Variants in ZNF431 observed in about 807,000 individuals in gnomAD.
ZNF431 encodes zinc finger protein 431.
In ZNF431, 34 loss-of-function variants were observed where a neutral mutation model predicts 57.0. That is an observed-to-expected ratio of 0.60 (90% CI 0.45 to 0.79). The LOEUF is 0.79. ZNF431 is among the 30% of genes least tolerant of loss of function. The pLI is 0.00. For missense variants in ZNF431, 607 were observed against 667.1 expected, an observed-to-expected ratio of 0.91 and a Z score of 0.99; for synonymous variants, 207 against 220.3, an observed-to-expected ratio of 0.94 and a Z score of 0.54.
rs1424774775 is a variant in ZNF431, at chr19:21,194,354, G to A, written c.*10320G>A. Reference sequence around the variant, plus strand: ...GAAAACATTACTGAAAGTAATCAGAGACAATTCAAATAAAAAAGCTTTCTA... The same window carrying A: ...GAAAACATTACTGAAAGTAATCAGAAACAATTCAAATAAAAAAGCTTTCTA... On this transcript the variant is annotated 3_prime_UTR_variant, in exon 5 of 5. Coordinates refer to ENST00000311048, the MANE Select transcript of ZNF431 (RefSeq NM_133473.4). 2 of 152,002 alleles carry A rather than the reference G, an allele frequency of 1.3e-5. No individual in the cohort carries two copies. The highest frequency in any genetic ancestry group is 1.5e-5 in the Non-Finnish European group (1 of 68,000). 9.4% of individuals were successfully genotyped at this position (152,002 alleles called of 1,614,324 possible).
intron 2 of ZNF431, among the ~76,000 whole-genome samples, chr19:21,152,141 G>A (rs1405199718): frequency 1.3e-5 from 2 of 152,218 alleles, no homozygotes; most frequent in Non-Finnish European, 2.9e-5. Context: ...CTTGGCCCCA[G>A]TTGGGCCCTG....
intron 4 of ZNF431, among the ~76,000 whole-genome samples, chr19:21,176,653 A>G (rs1209658366): frequency 6.6e-6 from 1 of 152,046 alleles, no homozygotes; most frequent in Non-Finnish European, 1.5e-5. Flanking sequence ...ATGTTCTCCC[A>G]TTCTGTAGAT....
chr19:21,184,096 G>T lies in ZNF431; in HGVS notation c.*62G>T. On this transcript the variant is annotated 3_prime_UTR_variant, in exon 5 of 5. Transcript: ENST00000311048. The stretch of plus-strand genomic sequence containing the variant: ...CGGGTGCGGTGGCTTATGCAAAATG[G>T]CTCCCAGCATTTTGGGAGGCTGAGG... 7.0e-7 allele frequency: 1 copy of T among 1,433,294 alleles called. No homozygotes were observed. The highest frequency in any genetic ancestry group is 1.5e-5 in the South Asian group (1 of 67,412). The allele number at this position is 1,433,294 out of a possible 1,614,324, so 88.8% of individuals were successfully genotyped here. A position where few individuals can be genotyped will look rare whatever the true frequency, so the allele number is the denominator to read the frequency against.
chr19:21,173,009 A>T (rs1286608178), intron 4 of ZNF431, among the ~76,000 whole-genome samples: 1 of 152,190 alleles, frequency 6.6e-6, no homozygotes, highest in Non-Finnish European at 1.5e-5. Context: ...GTAGAATTAT[A>T]TAGTATTCAT....
In ZNF431 at chr19:21,189,824, T is replaced by A. The variant is rs1971468133; in HGVS notation, c.*5790T>A. 2.5e-6 allele frequency: 1 copy of A among 397,380 alleles called. No individual in the cohort carries two copies. Among genetic ancestry groups the A allele is most frequent in the South Asian group, 1.4e-4 (1 of 7,268 alleles). 24.6% of individuals were successfully genotyped at this position (397,380 alleles called of 1,614,324 possible). On this transcript the variant is annotated 3_prime_UTR_variant, in exon 5 of 5. Transcript: ENST00000311048. ...ACTAATACAATGTCCTCCAACTTCATCCATGTGATTGAGAATAATAGTTTT... is the reference window on the plus strand; with the variant it reads ...ACTAATACAATGTCCTCCAACTTCAACCATGTGATTGAGAATAATAGTTTT...
chr19:21,191,327 TC>T lies in ZNF431; in HGVS notation c.*7294del, dbSNP rs1326196505. 3 of 152,090 alleles carry T rather than the reference TC, an allele frequency of 2.0e-5. No homozygotes were observed. The highest frequency in any genetic ancestry group is 7.2e-5 in the African/African-American group (3 of 41,460). The allele number at this position is 152,090 out of a possible 1,614,324, so 9.4% of individuals were successfully genotyped here. A position where few individuals can be genotyped will look rare whatever the true frequency, so the allele number is the denominator to read the frequency against. ...TATTAGCCGGGCGTGGTTGCACGTG[TC>T]TATAATCTCAGCTACTCAGGAGGCT... is the stretch of plus-strand genomic sequence containing the variant. On this transcript the variant is annotated 3_prime_UTR_variant, in exon 5 of 5. Transcript: ENST00000311048.
chr19:21,143,895 CAAAAAA>C (rs1970009938), intron 2 of ZNF431, among the ~76,000 whole-genome samples: 1 of 151,492 alleles, frequency 6.6e-6, no homozygotes, highest in South Asian at 2.1e-4. Flanking sequence ...AAAACAAAAA[CAAAAAA>C]ACCTGACTCT....
chr19:21,161,328 T>A (rs1405553884), intron 2 of ZNF431, among the ~76,000 whole-genome samples: 1 of 152,184 alleles, frequency 6.6e-6, no homozygotes, highest in Non-Finnish European at 1.5e-5. Context: ...TGGGCCACTT[T>A]TTTTGTATTG....
chr19:21,142,055 C>A lies in ZNF431; in HGVS notation c.-129C>A. 1 of 1,265,556 alleles carries A rather than the reference C, an allele frequency of 7.9e-7. No homozygotes were observed. The highest frequency in any genetic ancestry group is 1.1e-6 in the Non-Finnish European group (1 of 884,428). The allele number at this position is 1,265,556 out of a possible 1,614,324, so 78.4% of individuals were successfully genotyped here. A position where few individuals can be genotyped will look rare whatever the true frequency, so the allele number is the denominator to read the frequency against. ...CGGGGCCTTTGTCTCTCGCCGCAGC[C>A]TGAGCTCCAGGTCTCCCCTTCGCTG... On this transcript the variant is annotated 5_prime_UTR_variant, in exon 1 of 5. It adds an upstream start codon to the 5' untranslated region. Transcript: ENST00000311048.
At chr19:21,178,558 A>G (rs1276394569) in intron 4 of ZNF431, among the ~76,000 whole-genome samples, 1 of 152,138 alleles carries the variant, frequency 6.6e-6, no homozygotes, top group African/African-American at 2.4e-5. Context: ...TTTTGAGATA[A>G]TCATGTAGTT....
At chr19:21,146,262 T>C (rs1970091238) in intron 2 of ZNF431, among the ~76,000 whole-genome samples, 1 of 151,876 alleles carries the variant, frequency 6.6e-6, no homozygotes, top group African/African-American at 2.4e-5. Context: ...ACATAAAAAT[T>C]AGCCAGGCTT....
Position 21,166,337 on chromosome 19 carries a change from G to C in ZNF431, c.99G>C (p.Glu33Asp), listed in dbSNP as rs1970720132. 3 of 1,612,652 alleles carry C rather than the reference G, an allele frequency of 1.9e-6. No individual in the cohort carries two copies. Among genetic ancestry groups the C allele is most frequent in the East Asian group, 2.2e-5 (1 of 44,764 alleles). ...NLLVYSYFEK[E>D]TLTFRDVAIE... ...GTCTCTGTGCTTGTGTTTTTCAGGAGACATTGACATTTAGGGATGTGGCCA... is the reference window on the plus strand; with the variant it reads ...GTCTCTGTGCTTGTGTTTTTCAGGACACATTGACATTTAGGGATGTGGCCA... The change falls in exon 3 of 5, where the codon GAG becomes GAC. Residue 33 changes from glutamate (E) to aspartate (D), a missense_variant and splice_region_variant. Transcript: ENST00000311048.
chr19:21,167,746 A>ATG (rs1159359091), intron 4 of ZNF431, 80 bp downstream of exon 4: 1 of 982,454 alleles, frequency 1.0e-6, no homozygotes, highest in Non-Finnish European at 1.4e-6. Context: ...AGTCCTTACA[A>ATG]TGTGTTTTGG....
At chr19:21,175,414 CT>C in intron 4 of ZNF431, 3 of 695,624 alleles carry the variant, frequency 4.3e-6, no homozygotes, top group Non-Finnish European at 7.8e-6. Context: ...TATTGTTGTT[CT>C]TTTTTTAAGT....
At chr19:21,160,106 C>G (rs112120316) in intron 2 of ZNF431, among the ~76,000 whole-genome samples, 2,045 of 151,816 alleles carry the variant, frequency 0.013, 41 homozygotes, top group South Asian at 0.055. Context: ...CCAGGTTGAT[C>G]CCACCTAGAA....
chr19:21,164,251 GC>G, intron 2 of ZNF431, among the ~76,000 whole-genome samples: 1 of 152,124 alleles, frequency 6.6e-6, no homozygotes, highest in Admixed American at 6.5e-5. Context: ...AGAGTGAAGT[GC>G]CACCTTTGTA....
chr19:21,167,459 T>G, intron 3 of ZNF431, 112 bp from the exon 4 acceptor site: 2 of 795,162 alleles, frequency 2.5e-6, no homozygotes, highest in Non-Finnish European at 3.4e-6. Flanking sequence ...GCGCCCAGCC[T>G]TTGGATTAAT....
intron 2 of ZNF431, among the ~76,000 whole-genome samples, chr19:21,163,467 G>A (rs1970632471): frequency 1.3e-5 from 2 of 152,194 alleles, no homozygotes; most frequent in Admixed American, 1.3e-4. Context: ...CCCATTCATG[G>A]ACTTTTTCCA....
intron 2 of ZNF431, among the ~76,000 whole-genome samples, chr19:21,154,162 A>G (rs1326621123): frequency 4.6e-5 from 7 of 151,968 alleles, no homozygotes; most frequent in Non-Finnish European, 8.8e-5. Context: ...TCCTAATGCT[A>G]TCCCTCCCCC....
Sources: allele counts gnomAD v4.1 joint callset (sites outside exome capture counted in the v4.1 genomes callset), GRCh38; gene constraint gnomAD v4.1.1; transcripts MANE v1.5; gene names NCBI Gene and HGNC (gene_info 2026-07-23, HGNC 2026-07-21).